Variants in NEK6 observed in about 807,000 individuals in gnomAD.
NEK6 encodes serine/threonine-protein kinase Nek6.
NEK6 carries 27 observed loss-of-function variants against 43.5 expected under a neutral mutation model. The observed-to-expected ratio is 0.62, with a 90% CI of 0.46 to 0.86. NEK6 has a LOEUF of 0.86. Ranked by LOEUF, NEK6 falls within the 40% of genes least tolerant of loss-of-function variation. The pLI, the probability that NEK6 is intolerant of heterozygous loss-of-function variation, is 0.00. For synonymous variants in NEK6, 167 were observed against 164.1 expected, an observed-to-expected ratio of 1.02 and a Z score of -0.14; for missense variants, 318 against 414.4, an observed-to-expected ratio of 0.77 and a Z score of 2.02.
rs1344751663 is a variant in NEK6, at chr9:124,343,627, T to TTGGAAAGAGGCCTCCCGCA, written c.717+3963_717+3981dup. Among the ~76,000 whole-genome samples, 1 of 152,100 alleles carries TTGGAAAGAGGCCTCCCGCA rather than the reference T, an allele frequency of 6.6e-6. No individual in the cohort carries two copies. The highest frequency in any genetic ancestry group is 1.9e-4 in the East Asian group (1 of 5,182). ...CACATCTGAGCCCACGGCCATGTAA[T>TTGGAAAGAGGCCTCCCGCA]TGGAAAGAGGCCTCCCGCAGTCACG... On this transcript the variant is annotated intron_variant, in intron 8 of 9. Transcript: ENST00000320246. The surrounding 1 kb of genome is among the most constrained non-coding windows in gnomAD (Gnocchi z 5.1).
chr9:124,270,528 A>AG, intron 1 of NEK6, among the ~76,000 whole-genome samples: 1 of 152,206 alleles, frequency 6.6e-6, no homozygotes, highest in East Asian at 1.9e-4. Context: ...AGCAGTAAAA[A>AG]AAAAACACAA....
At chr9:124,293,138 C>T in intron 1 of NEK6, 1 of 1,207,142 alleles carries the variant, frequency 8.3e-7, no homozygotes. Flanking sequence ...CAAGGATCAC[C>T]TCAGGCAAAT....
chr9:124,347,549 C>T (rs1419506624), intron 8 of NEK6, among the ~76,000 whole-genome samples, 160 bp from the exon 9 acceptor site: 1 of 152,200 alleles, frequency 6.6e-6, no homozygotes, highest in Admixed American at 6.5e-5. Flanking sequence ...TCTGTTGAAC[C>T]CCAGCATGCT....
rs569647248 is a variant in NEK6, at chr9:124,261,596, T to C, written c.-30+3511T>C. On this transcript the variant is annotated intron_variant, in intron 1 of 9. Coordinates refer to ENST00000320246, the MANE Select transcript of NEK6 (RefSeq NM_014397.6). ...AGATCGCTTGTAGGTAGGCTTCTTG[T>C]CACTTGTCATTTAAGTCCCCTGCCT... The C allele has an allele frequency of 5.1e-6, 5 of 985,360 alleles. No homozygotes were observed. The South Asian group carries it at 2.3e-4, about 46-fold the overall frequency. 61.0% of individuals were successfully genotyped at this position (985,360 alleles called of 1,614,324 possible).
chr9:124,300,615 C>CA (rs892830872), intron 1 of NEK6, among the ~76,000 whole-genome samples: 2 of 152,116 alleles, frequency 1.3e-5, no homozygotes, highest in Non-Finnish European at 2.9e-5. Flanking sequence ...GAGAACCACT[C>CA]AGGGAGGAGG....
chr9:124,323,499 C>T (rs939062956), intron 5 of NEK6, among the ~76,000 whole-genome samples: 7 of 152,104 alleles, frequency 4.6e-5, no homozygotes, highest in Non-Finnish European at 1.0e-4. Context: ...AGGGCAGGGA[C>T]GGAGGAGGAG....
chr9:124,345,222 T>TA (rs1829855585), intron 8 of NEK6, among the ~76,000 whole-genome samples: 2 of 152,186 alleles, frequency 1.3e-5, no homozygotes, highest in Non-Finnish European at 2.9e-5. Flanking sequence ...GTCCTCTCTA[T>TA]TTCGACCAGT....
intron 1 of NEK6, among the ~76,000 whole-genome samples, chr9:124,269,209 G>A (rs772189914): frequency 6.6e-6 from 1 of 152,106 alleles, no homozygotes; most frequent in Non-Finnish European, 1.5e-5. Context: ...CAAGTCAGTG[G>A]TCCACCCCAG....
chr9:124,329,385 G>A (rs1343506263), intron 7 of NEK6, among the ~76,000 whole-genome samples: 2 of 152,250 alleles, frequency 1.3e-5, no homozygotes, highest in African/African-American at 4.8e-5. Flanking sequence ...CCGTCAGAGA[G>A]GGTTAGGATC....
rs1233867473 is a variant in NEK6 at position 124,314,004 on chromosome 9, G to A, written c.294+19G>A. On this transcript the variant is annotated intron_variant, in intron 4 of 9. Transcript: ENST00000320246. ...CTTGAAGGTGAGCACCCTGGGCCGAGCGGGAGCTTTGCCTCCTCGGGGAGG... is the reference window on the plus strand; with the variant it reads ...CTTGAAGGTGAGCACCCTGGGCCGAACGGGAGCTTTGCCTCCTCGGGGAGG... 2 of 1,613,364 alleles carry A rather than the reference G, an allele frequency of 1.2e-6. No individual in the cohort carries two copies. Among genetic ancestry groups the A allele is most frequent in the Non-Finnish European group, 1.7e-6 (2 of 1,179,628 alleles).
chr9:124,270,285 G>A lies in NEK6; in HGVS notation c.-30+12200G>A, dbSNP rs552970698. The stretch of plus-strand genomic sequence containing the variant: ...AGACGGCAATGAACGGCCAACCCTA[G>A]AAGTTCACCCCACAAGACCTGCAGG... On this transcript the variant is annotated intron_variant, in intron 1 of 9. Transcript: ENST00000320246. Among the ~76,000 whole-genome samples the A allele has an allele frequency of 7.2e-5, 11 of 152,314 alleles. No individual in the cohort carries two copies. In the South Asian group the frequency reaches 2.3e-3, roughly 32 times the overall value.
At position 124,339,775 on chromosome 9, in the gene NEK6, G is replaced by A. The variant is rs60834631; in HGVS notation, c.717+110G>A. 4,034 of 788,936 alleles carry A rather than the reference G, an allele frequency of 5.1e-3. 100 individuals carry two copies. The African/African-American group carries it at 0.055, about 11-fold the overall frequency. 48.9% of individuals were successfully genotyped at this position (788,936 alleles called of 1,614,324 possible). Reference sequence around the variant, plus strand: ...CAGGGTTGGAACCCAGGAATGTCACGTCTGCCTGAGGCATCGGTACCACCA... The same window carrying A: ...CAGGGTTGGAACCCAGGAATGTCACATCTGCCTGAGGCATCGGTACCACCA... On this transcript the variant is annotated intron_variant, in intron 8 of 9. Coordinates refer to ENST00000320246, the MANE Select transcript of NEK6 (RefSeq NM_014397.6).
chr9:124,305,561 A>AAG (rs1442506043), intron 2 of NEK6, among the ~76,000 whole-genome samples: 2 of 151,704 alleles, frequency 1.3e-5, no homozygotes, highest in East Asian at 3.9e-4. Flanking sequence ...CTCAAAAAAA[A>AAG]AAAAAAAAGA....
chr9:124,343,539 A>G lies in NEK6; in HGVS notation c.717+3874A>G, dbSNP rs912580109. On this transcript the variant is annotated intron_variant, in intron 8 of 9. Transcript: ENST00000320246. This position sits in a 1 kb window ranked among gnomAD's most constrained non-coding sequence, Gnocchi z 5.1. ...CTCTGTGCCAAGTGACCCCCTCCCC[A>G]CTCCTGCAGTCCCTAAAGGGGAAGG... Among the ~76,000 whole-genome samples the G allele has an allele frequency of 6.6e-6, 1 of 151,864 alleles. No individual in the cohort carries two copies. Among genetic ancestry groups the G allele is most frequent in the East Asian group, 1.9e-4 (1 of 5,172 alleles).
chr9:124,320,517 G>A (rs1233748506), intron 4 of NEK6, among the ~76,000 whole-genome samples: 1 of 152,212 alleles, frequency 6.6e-6, no homozygotes, highest in Admixed American at 6.5e-5. Context: ...CTGGTGTCTG[G>A]ACTAGGCTGA....
chr9:124,322,961 G>C (rs943505008), intron 5 of NEK6, among the ~76,000 whole-genome samples: 3 of 152,204 alleles, frequency 2.0e-5, no homozygotes, highest in Non-Finnish European at 4.4e-5. Context: ...ACAGATCCCT[G>C]GTGGGAACAG....
At chr9:124,281,718 C>T (rs549264122) in intron 1 of NEK6, among the ~76,000 whole-genome samples, 5 of 152,150 alleles carry the variant, frequency 3.3e-5, no homozygotes, top group South Asian at 2.1e-4. Context: ...AGGCTGATCT[C>T]GAACTCCCGA....
At chr9:124,263,311 A>G (rs1482757597) in intron 1 of NEK6, among the ~76,000 whole-genome samples, 1 of 152,180 alleles carries the variant, frequency 6.6e-6, no homozygotes, top group Non-Finnish European at 1.5e-5. Flanking sequence ...CACGGAACAG[A>G]ACCTGAGGCT....
intron 1 of NEK6, among the ~76,000 whole-genome samples, chr9:124,278,321 G>A (rs767655292): frequency 3.3e-5 from 5 of 152,220 alleles, no homozygotes; most frequent in Non-Finnish European, 7.3e-5. Context: ...GTCGCTAAGC[G>A]ATGTGTGACT....
Sources: allele counts gnomAD v4.1 joint callset (sites outside exome capture counted in the v4.1 genomes callset), GRCh38; gene constraint gnomAD v4.1.1; non-coding constraint Gnocchi (gnomAD v3.1); transcripts MANE v1.5; gene names NCBI Gene and HGNC (gene_info 2026-07-23, HGNC 2026-07-21).